Variants in PARD3B observed in about 807,000 individuals in gnomAD.
PARD3B encodes partitioning defective 3 homolog B.
PARD3B carries 103 observed loss-of-function variants against 130.2 expected under a neutral mutation model. That is an observed-to-expected ratio of 0.79 (90% CI 0.67 to 0.93). PARD3B has a LOEUF of 0.93. Ranked by LOEUF, PARD3B falls within the 40% of genes least tolerant of loss-of-function variation. The pLI is 0.00. For missense variants in PARD3B, 1,609 were observed against 1,499.2 expected (o/e 1.07, Z -1.21); for synonymous variants, 583 against 553.2 (o/e 1.05, Z -0.76).
intron 1 of PARD3B, among the ~76,000 whole-genome samples, chr2:204,633,128 C>G (rs1220426602): frequency 1.3e-5 from 2 of 152,042 alleles, no homozygotes; most frequent in African/African-American, 4.8e-5. Context: ...TAAGGTAGTT[C>G]TATTTTGAAT....
chr2:204,867,219 G>C (rs1020168481), intron 2 of PARD3B, among the ~76,000 whole-genome samples: 19 of 151,416 alleles, frequency 1.3e-4, no homozygotes, highest in African/African-American at 4.6e-4. Flanking sequence ...ATTAGCTTTT[G>C]AGTTTTTAGC....
chr2:205,219,823 C>A (rs1239700925), intron 15 of PARD3B, among the ~76,000 whole-genome samples: 1 of 152,140 alleles, frequency 6.6e-6, no homozygotes, highest in Admixed American at 6.5e-5. Context: ...TGTTTTCACC[C>A]AGCCAGGAAA....
intron 2 of PARD3B, among the ~76,000 whole-genome samples, chr2:204,730,222 C>A (rs1315169766): frequency 6.6e-6 from 1 of 151,938 alleles, no homozygotes; most frequent in Admixed American, 6.6e-5. Context: ...TTACAGTCAC[C>A]CACCACCATG....
chr2:204,628,733 T>C (rs2034573388), intron 1 of PARD3B, among the ~76,000 whole-genome samples: 1 of 152,192 alleles, frequency 6.6e-6, no homozygotes, highest in African/African-American at 2.4e-5. Flanking sequence ...AAGATCATTA[T>C]GTGGGAGATT....
Position 204,880,657 on chromosome 2 carries a change from CAAAA to C in PARD3B, c.223-84473_223-84470del, listed in dbSNP as rs746023895. Among the ~76,000 whole-genome samples the C allele has an allele frequency of 5.9e-3, 327 of 55,434 alleles. 4 individuals carry two copies. The highest frequency in any genetic ancestry group is 0.015 in the African/African-American group (284 of 18,366). The allele number at this position is 55,434 out of a possible 152,430, so 36.4% of individuals were successfully genotyped here. ...CTGGTGACAGAGCGAGACTCCATCT[CAAAA>C]AAAAAAAAAAAAAAAAAAAAATACA... On this transcript the variant is annotated intron_variant, in intron 2 of 22. Coordinates refer to ENST00000406610, the MANE Select transcript of PARD3B (RefSeq NM_001302769.2).
At chr2:204,630,072 C>A (rs1454024331) in intron 1 of PARD3B, among the ~76,000 whole-genome samples, 1 of 152,116 alleles carries the variant, frequency 6.6e-6, no homozygotes, top group Non-Finnish European at 1.5e-5. Flanking sequence ...TGCCTTGAAA[C>A]AAGATCTTAA....
chr2:204,900,442 C>A (rs180871175), intron 2 of PARD3B, among the ~76,000 whole-genome samples: 2 of 152,246 alleles, frequency 1.3e-5, no homozygotes, highest in East Asian at 3.9e-4. Flanking sequence ...TTTTTCTACT[C>A]CACAATTTCT....
At chr2:205,394,203 A>G (rs1035850481) in intron 18 of PARD3B, among the ~76,000 whole-genome samples, 18 of 152,156 alleles carry the variant, frequency 1.2e-4, no homozygotes, top group African/African-American at 2.4e-5. Context: ...CCTAGGCAAT[A>G]TAACAACATT....
At chr2:205,221,369 G>A (rs957060611) in intron 15 of PARD3B, among the ~76,000 whole-genome samples, 3 of 152,128 alleles carry the variant, frequency 2.0e-5, no homozygotes, top group Admixed American at 1.3e-4. Context: ...AGATGATCTG[G>A]TTTAACGGCA....
At chr2:204,975,854 T>A (rs1692093725) in intron 3 of PARD3B, among the ~76,000 whole-genome samples, 1 of 152,236 alleles carries the variant, frequency 6.6e-6, no homozygotes, top group Admixed American at 6.5e-5. Context: ...TTGGCCATCT[T>A]GGAAAATGGT....
chr2:205,567,853 C>CAGT (rs1442883181), intron 22 of PARD3B, among the ~76,000 whole-genome samples: 1 of 151,850 alleles, frequency 6.6e-6, no homozygotes, highest in African/African-American at 2.4e-5. Flanking sequence ...GGAAGAAAGC[C>CAGT]AGTACAGAGC....
Position 205,619,361 on chromosome 2 carries a change from G to A in PARD3B, c.*3548G>A, listed in dbSNP as rs1341884709. On this transcript the variant is annotated 3_prime_UTR_variant, in exon 23 of 23. Transcript: ENST00000406610. ...AGGGTCGAGAGATCTAAAGAGTTTG[G>A]TCTGAATGTGTGTCTGTACAATTCC... The A allele has an allele frequency of 1.3e-5, 2 of 152,156 alleles. No individual in the cohort carries two copies. The highest frequency in any genetic ancestry group is 2.4e-5 in the African/African-American group (1 of 41,430). 9.4% of individuals were successfully genotyped at this position (152,156 alleles called of 1,614,324 possible). A position where few individuals can be genotyped will look rare whatever the true frequency, so the allele number is the denominator to read the frequency against.
chr2:205,266,034 TAA>T (rs2040490580), intron 16 of PARD3B, among the ~76,000 whole-genome samples: 1 of 152,114 alleles, frequency 6.6e-6, no homozygotes, highest in Non-Finnish European at 1.5e-5. Flanking sequence ...TTTCTTACGC[TAA>T]GATTATATCA....
At chr2:204,839,427 T>A in intron 2 of PARD3B, among the ~76,000 whole-genome samples, 1 of 152,218 alleles carries the variant, frequency 6.6e-6, no homozygotes, top group East Asian at 1.9e-4. Flanking sequence ...CCAAACAGAC[T>A]TTTCCCATTG....
chr2:205,612,482 A>G (rs1195267740), intron 22 of PARD3B, among the ~76,000 whole-genome samples: 1 of 152,164 alleles, frequency 6.6e-6, no homozygotes, highest in Non-Finnish European at 1.5e-5. Context: ...TACACACATA[A>G]TAGTCAGAAG....
intron 2 of PARD3B, among the ~76,000 whole-genome samples, chr2:204,777,031 C>G (rs895430384): frequency 6.6e-6 from 1 of 152,130 alleles, no homozygotes; most frequent in Admixed American, 6.5e-5. Context: ...TTGGCAGCAG[C>G]TTTGCTCAGT....
intron 1 of PARD3B, among the ~76,000 whole-genome samples, chr2:204,628,444 G>A (rs188932035): frequency 6.6e-6 from 1 of 152,118 alleles, no homozygotes; most frequent in Non-Finnish European, 1.5e-5. Context: ...AATTTAAAGA[G>A]AGGGGAGAGA....
chr2:205,020,889 G>T (rs144495414), intron 3 of PARD3B, among the ~76,000 whole-genome samples: 7 of 152,192 alleles, frequency 4.6e-5, no homozygotes, highest in Admixed American at 2.0e-4. Context: ...AGGTTAATAC[G>T]AGCAGGCTAA....
rs374980813 is a variant in PARD3B at position 205,309,180 on chromosome 2, A to G, written c.2630+7479A>G. Among the ~76,000 whole-genome samples, 4 of 152,362 alleles carry G rather than the reference A, an allele frequency of 2.6e-5. No homozygotes were observed. Among genetic ancestry groups the G allele is most frequent in the South Asian group, 2.1e-4 (1 of 4,824 alleles). On this transcript the variant is annotated intron_variant, in intron 18 of 22. Coordinates refer to ENST00000406610, the MANE Select transcript of PARD3B (RefSeq NM_001302769.2). This position sits in a 1 kb window ranked among gnomAD's most constrained non-coding sequence, Gnocchi z 4.7. ...TGTCTGTTTTAGTACACAAAACCCTAGGATACCTGCAGTACACATTCTAAG... is the reference window on the plus strand; with the variant it reads ...TGTCTGTTTTAGTACACAAAACCCTGGGATACCTGCAGTACACATTCTAAG...
Sources: gnomAD v4.1 joint callset for allele counts (sites outside exome capture counted in the v4.1 genomes callset) on GRCh38, gnomAD v4.1.1 for gene constraint, Gnocchi (gnomAD v3.1) non-coding constraint, MANE v1.5 for transcripts, NCBI Gene and HGNC (gene_info 2026-07-23, HGNC 2026-07-21) for gene names.